GC: variants seen among roughly 807,000 people sequenced by gnomAD.
GC encodes the protein vitamin D-binding protein.
GC carries 43 observed loss-of-function variants against 56.7 expected under a neutral mutation model. The observed-to-expected ratio is 0.76, with a 90% CI of 0.59 to 0.98. The LOEUF (loss-of-function observed/expected upper bound fraction) is 0.98. Among genes scored for constraint, GC ranks in the 50% least tolerant of loss-of-function variants. GC has a pLI of 0.00. For synonymous variants in GC, 216 were observed against 202.7 expected, an observed-to-expected ratio of 1.07 and a Z score of -0.56; for missense variants, 529 against 545.9, an observed-to-expected ratio of 0.97 and a Z score of 0.31.
At chr4:71,803,691 G>C (rs1003590037) in intron 1 of GC, among the ~76,000 whole-genome samples, 6 of 152,124 alleles carry the variant, frequency 3.9e-5, no homozygotes, top group African/African-American at 1.2e-4. Context: ...AACATACTCT[G>C]TCTTTTGGAA....
At chr4:71,761,122 C>T (rs577180161) in intron 6 of GC, among the ~76,000 whole-genome samples, 1 of 152,256 alleles carries the variant, frequency 6.6e-6, no homozygotes, top group African/African-American at 2.4e-5. Context: ...TTGAAACTTC[C>T]TAGAGACTTG....
chr4:71,786,817 T>C (rs1163890723), upstream of GC, among the ~76,000 whole-genome samples: 14 of 151,910 alleles, frequency 9.2e-5, no homozygotes, highest in Admixed American at 9.2e-4. Flanking sequence ...CTTGCAGTAC[T>C]CCTGTAGAAA....
intron 3 of GC, among the ~76,000 whole-genome samples, chr4:71,768,066 A>C (rs1337944761): frequency 6.6e-6 from 1 of 152,172 alleles, no homozygotes; most frequent in Non-Finnish European, 1.5e-5. Flanking sequence ...ACATTTAATA[A>C]ATCACTAAAT....
intron 6 of GC, among the ~76,000 whole-genome samples, chr4:71,762,137 C>A (rs901976789): frequency 6.6e-6 from 1 of 152,170 alleles, no homozygotes; most frequent in Non-Finnish European, 1.5e-5. Context: ...GAGGCTGTAC[C>A]CTGCAAAGCC....
Position 71,752,579 on chromosome 4 carries a change from T to C in GC, c.1334A>G (p.His445Arg), listed in dbSNP as rs9016. ...ACAGCAGTTGGAGGCAAAGTCTGAG[T>C]GCTTGTTAACCAGCTTTGCCAGTTC... The part of the protein sequence containing the change: ...PTELAKLVNK[H>R]SDFASNCCSI... The change falls in exon 11 of 13, where the codon CAC (histidine) becomes CGC (arginine). Residue 445 changes from histidine (H) to arginine (R), a missense_variant. His to Arg is a conservative substitution (Grantham distance 29). Coordinates refer to ENST00000273951, the MANE Select transcript of GC (RefSeq NM_000583.4). 1 allele frequency: 1,611,172 copies of C among 1,612,964 alleles called. 804,705 individuals carry two copies. Among genetic ancestry groups the C allele is most frequent in the Non-Finnish European group, 1 (1,178,953 of 1,178,978 alleles).
In GC at chr4:71,783,976, G is replaced by T; in HGVS notation, c.43C>A (p.His15Asn). 1 of 1,601,148 alleles carries T rather than the reference G, an allele frequency of 6.2e-7. No homozygotes were observed. Among genetic ancestry groups the T allele is most frequent in the South Asian group, 1.1e-5 (1 of 88,888 alleles). Reference protein sequence around the residue: ...LVLLLAVAFGHALERGRDYEK... With the variant: ...LVLLLAVAFGNALERGRDYEK... The stretch of plus-strand genomic sequence containing the variant: ...GAAATCTTACCTCTCTCTAAAGCAT[G>T]TCCAAATGCCACAGCAAGCAGTAGT... The change falls in exon 1 of 13, where the codon CAT (histidine) becomes AAT (asparagine). Residue 15 changes from histidine to asparagine, a missense_variant. His to Asn is a moderately conservative substitution (Grantham distance 68). Transcript: ENST00000273951.
chr4:71,795,484 G>C (rs1014557137), intron 1 of GC, among the ~76,000 whole-genome samples: 1 of 152,034 alleles, frequency 6.6e-6, no homozygotes, highest in African/African-American at 2.4e-5. Flanking sequence ...TGCAACCCCT[G>C]CTTTTTTTGC....
Position 71,765,559 on chromosome 4 carries a change from C to T in GC, c.346G>A (p.Gly116Ser), listed in dbSNP as rs1742129642. ...PGTAECCTKE[G>S]LERKLCMAAL... ...GCCATGCAGAGCTTTCGTTCCAGGCCCTCTTTGGTGCAGCACTCAGCAGTG... is the reference window on the plus strand; with the variant it reads ...GCCATGCAGAGCTTTCGTTCCAGGCTCTCTTTGGTGCAGCACTCAGCAGTG... The change falls in exon 4 of 13, where the codon GGC becomes AGC. Residue 116 changes from glycine (G) to serine (S), a missense_variant. By Grantham distance (56) the Gly-to-Ser change is moderately conservative (BLOSUM62 0). Coordinates refer to ENST00000273951, the MANE Select transcript of GC (RefSeq NM_000583.4). The T allele has an allele frequency of 6.2e-7, 1 of 1,613,588 alleles. No individual in the cohort carries two copies. Among genetic ancestry groups the T allele is most frequent in the East Asian group, 2.2e-5 (1 of 44,874 alleles).
intron 1 of GC, among the ~76,000 whole-genome samples, chr4:71,780,413 A>G (rs536291336): frequency 3.3e-5 from 5 of 152,284 alleles, no homozygotes; most frequent in African/African-American, 7.2e-5. Context: ...AAGCTTCTGC[A>G]CAGCAAAAGA....
intron 1 of GC, among the ~76,000 whole-genome samples, chr4:71,780,339 C>T (rs1366913423): frequency 3.3e-5 from 5 of 152,024 alleles, no homozygotes; most frequent in African/African-American, 1.2e-4. Context: ...GACTTCATGT[C>T]TAAAACACCA....
chr4:71,766,027 T>C (rs222010), intron 3 of GC, among the ~76,000 whole-genome samples: 130,620 of 152,056 alleles, frequency 0.86, 57,045 homozygotes, highest in Non-Finnish European at 0.95. Flanking sequence ...TTATCTCCCA[T>C]CTGCTTTCTG....
chr4:71,758,591 A>T (rs1282330728), intron 6 of GC, among the ~76,000 whole-genome samples: 1 of 152,174 alleles, frequency 6.6e-6, no homozygotes, highest in East Asian at 1.9e-4. Context: ...TTTACACCAC[A>T]GAGTTAACAA....
chr4:71,742,784 C>T (rs752612995), intron 12 of GC, among the ~76,000 whole-genome samples: 5 of 152,164 alleles, frequency 3.3e-5, no homozygotes, highest in Non-Finnish European at 7.3e-5. Flanking sequence ...ACCATCCTGG[C>T]TAACATGGTG....
chr4:71,780,780 G>T (rs1438636604), intron 1 of GC, among the ~76,000 whole-genome samples: 1 of 152,184 alleles, frequency 6.6e-6, no homozygotes, highest in Non-Finnish European at 1.5e-5. Context: ...CTTCTACACT[G>T]TTGGTGGGAC....
chr4:71,779,031 C>T (rs1397798325), intron 1 of GC, among the ~76,000 whole-genome samples: 1 of 151,316 alleles, frequency 6.6e-6, no homozygotes, highest in Non-Finnish European at 1.5e-5. Flanking sequence ...CAGCTATCTC[C>T]TGGGAGCATG....
At chr4:71,776,964 GT>G (rs750754521) in intron 1 of GC, among the ~76,000 whole-genome samples, 1 of 151,814 alleles carries the variant, frequency 6.6e-6, no homozygotes, top group East Asian at 1.9e-4. Flanking sequence ...CATCACACAT[GT>G]TTTTGTCAAA....
At chr4:71,781,851 G>C (rs1324200608) in intron 1 of GC, among the ~76,000 whole-genome samples, 2 of 151,776 alleles carry the variant, frequency 1.3e-5, no homozygotes, top group African/African-American at 4.8e-5. Context: ...TTTGATAGGA[G>C]AGGGCTGGCT....
At chr4:71,763,679 G>A (rs2149300058) in intron 5 of GC, 125 bp downstream of exon 5, 1 of 832,192 alleles carries the variant, frequency 1.2e-6, no homozygotes, top group African/African-American at 1.7e-5. Context: ...TTCCAATTAA[G>A]AAGATGCAAG....
At chr4:71,771,893 T>A (rs1742355995) in intron 1 of GC, among the ~76,000 whole-genome samples, 1 of 152,182 alleles carries the variant, frequency 6.6e-6, no homozygotes, top group Non-Finnish European at 1.5e-5. Flanking sequence ...GAGCTGTACT[T>A]ACGATGTCAA....
Sources: gnomAD v4.1 joint callset for allele counts (sites outside exome capture counted in the v4.1 genomes callset) on GRCh38, gnomAD v4.1.1 for gene constraint, MANE v1.5 for transcripts, NCBI Gene and HGNC (gene_info 2026-07-23, HGNC 2026-07-21) for gene names.